The following GRIN2A variants were observed in gnomAD, a reference collection of about 807,000 sequenced individuals.
GRIN2A encodes glutamate receptor ionotropic, NMDA 2A.
A neutral mutation model predicts 113.4 loss-of-function variants in GRIN2A; 22 were observed. That is an observed-to-expected ratio of 0.19 (90% CI 0.14 to 0.28). The LOEUF is 0.28. GRIN2A is among the 10% of genes least tolerant of loss of function. GRIN2A has a pLI of 1.00. For synonymous variants in GRIN2A, 827 were observed against 738.4 expected, an observed-to-expected ratio of 1.12 and a Z score of -1.94; for missense variants, 1,502 against 1,887.0, an observed-to-expected ratio of 0.80 and a Z score of 3.78.
intron 4 of GRIN2A, among the ~76,000 whole-genome samples, chr16:9,864,551 A>G (rs1196962064): frequency 6.6e-6 from 1 of 152,228 alleles, no homozygotes; most frequent in African/African-American, 2.4e-5. Context: ...CGAGACTTCA[A>G]TGCATCAAAC....
At chr16:9,851,950 G>C (rs1486471716) in intron 4 of GRIN2A, among the ~76,000 whole-genome samples, 3 of 152,162 alleles carry the variant, frequency 2.0e-5, no homozygotes, top group Admixed American at 2.0e-4. Context: ...TAACTGAACT[G>C]TCACCTTACC....
At chr16:10,028,242 T>C (rs2046858467) in intron 2 of GRIN2A, among the ~76,000 whole-genome samples, 1 of 152,210 alleles carries the variant, frequency 6.6e-6, no homozygotes, top group Non-Finnish European at 1.5e-5. Flanking sequence ...GAGTGTTTTG[T>C]TAAATTCCCC....
At chr16:9,769,253 A>G (rs1901109054) in intron 11 of GRIN2A, 164 bp from the exon 12 acceptor site, 4 of 634,844 alleles carry the variant, frequency 6.3e-6, no homozygotes, top group African/African-American at 5.4e-5. Context: ...GAGTGAAGAT[A>G]ATAATGATTA....
intron 2 of GRIN2A, among the ~76,000 whole-genome samples, chr16:10,046,011 C>G (rs1046515153): frequency 5.3e-5 from 8 of 152,176 alleles, no homozygotes; most frequent in Non-Finnish European, 1.2e-4. Context: ...CCTGTGAACA[C>G]CAAAAATATC....
chr16:9,885,878 A>G lies in GRIN2A; in HGVS notation c.1122+5108T>C, dbSNP rs542273267. Among the ~76,000 whole-genome samples, 22 of 152,378 alleles carry G rather than the reference A, an allele frequency of 1.4e-4. No individual in the cohort carries two copies. The East Asian group carries it at 3.7e-3, about 25-fold the overall frequency. On this transcript the variant is annotated intron_variant, in intron 4 of 12. Transcript: ENST00000330684. ...ACTACAGGCAGTATTTGTGCATTCTAAGCTCAACTCAGCAGCAATTCCCAA... is the reference window on the plus strand; with the variant it reads ...ACTACAGGCAGTATTTGTGCATTCTGAGCTCAACTCAGCAGCAATTCCCAA...
At chr16:10,104,169 C>A (rs1230784140) in intron 2 of GRIN2A, among the ~76,000 whole-genome samples, 1 of 152,232 alleles carries the variant, frequency 6.6e-6, no homozygotes, top group African/African-American at 2.4e-5. Flanking sequence ...TTTCTCTTAA[C>A]ACAAACCAGT....
intron 4 of GRIN2A, among the ~76,000 whole-genome samples, chr16:9,882,155 G>A (rs939738745): frequency 6.6e-6 from 1 of 152,150 alleles, no homozygotes; most frequent in African/African-American, 2.4e-5. Context: ...TAGGCTAAAT[G>A]TGGTAGTAGT....
intron 2 of GRIN2A, among the ~76,000 whole-genome samples, chr16:9,980,167 G>A (rs1359917282): frequency 1.3e-5 from 2 of 151,846 alleles, no homozygotes; most frequent in African/African-American, 2.4e-5. Flanking sequence ...CAGCTACTTA[G>A]GAGGCTGAGG....
intron 5 of GRIN2A, 107 bp downstream of exon 5, chr16:9,849,649 A>C: frequency 1.1e-6 from 1 of 887,514 alleles, no homozygotes; most frequent in Middle Eastern, 2.2e-4. Flanking sequence ...AACGACGTGT[A>C]TTTTCTATGA....
At chr16:10,096,170 G>A (rs1216956320) in intron 2 of GRIN2A, among the ~76,000 whole-genome samples, 1 of 152,244 alleles carries the variant, frequency 6.6e-6, no homozygotes, top group African/African-American at 2.4e-5. Flanking sequence ...CCATGTTTTT[G>A]TTTCTATGTT....
chr16:9,946,740 G>A (rs754188965), intron 2 of GRIN2A, among the ~76,000 whole-genome samples: 3 of 152,188 alleles, frequency 2.0e-5, no homozygotes, highest in Non-Finnish European at 4.4e-5. Context: ...GGAAAAGACA[G>A]CTTCTTTTAC....
At chr16:9,901,903 A>G (rs933449344) in intron 3 of GRIN2A, among the ~76,000 whole-genome samples, 1 of 152,234 alleles carries the variant, frequency 6.6e-6, no homozygotes, top group African/African-American at 2.4e-5. Flanking sequence ...TATGTGAGTA[A>G]GAGCGATCAC....
At chr16:9,946,525 G>A (rs1188091738) in intron 2 of GRIN2A, among the ~76,000 whole-genome samples, 1 of 152,076 alleles carries the variant, frequency 6.6e-6, no homozygotes, top group Non-Finnish European at 1.5e-5. Context: ...GCCTCCCTGA[G>A]CCACCTGGTG....
chr16:10,110,300 T>C (rs1260724259), intron 2 of GRIN2A, among the ~76,000 whole-genome samples: 1 of 152,158 alleles, frequency 6.6e-6, no homozygotes, highest in Non-Finnish European at 1.5e-5. Flanking sequence ...GGGAACGTGG[T>C]AATGGATGAG....
At chr16:9,769,158 T>C in intron 11 of GRIN2A, 69 bp from the exon 12 acceptor site, 1 of 1,227,336 alleles carries the variant, frequency 8.1e-7, no homozygotes. Context: ...CGCTTCTGGG[T>C]TTGGAACAGA....
intron 2 of GRIN2A, among the ~76,000 whole-genome samples, chr16:10,107,614 T>A (rs2048524103): frequency 3.3e-5 from 5 of 152,308 alleles, no homozygotes; most frequent in African/African-American, 9.6e-5. Context: ...TGAAGAAAAC[T>A]GATATTCTGC....
intron 11 of GRIN2A, among the ~76,000 whole-genome samples, chr16:9,773,058 TTTC>T (rs764915879): frequency 2.2e-4 from 34 of 152,304 alleles, no homozygotes; most frequent in Non-Finnish European, 3.7e-4. Flanking sequence ...GTTCAAATAC[TTTC>T]TTATTTCATT....
At chr16:10,051,163 G>A (rs930227941) in intron 2 of GRIN2A, among the ~76,000 whole-genome samples, 1 of 152,152 alleles carries the variant, frequency 6.6e-6, no homozygotes, top group Non-Finnish European at 1.5e-5. Context: ...GAAACACTGT[G>A]TGCAACACTC....
rs1258974659 is a variant in GRIN2A, at chr16:9,764,552, C to T, written c.2992G>A (p.Val998Met). The T allele has an allele frequency of 1.2e-6, 2 of 1,613,962 alleles. No individual in the cohort carries two copies. The highest frequency in any genetic ancestry group is 1.6e-4 in the Middle Eastern group (1 of 6,062). The part of the protein sequence containing the change: ...LNESNPNTVE[V>M]AVSTESKANS... ...GCTTTGGATTCTGTGCTCACGGCCACCTCCACCGTGTTAGGGTTGGACTCA... is the reference window on the plus strand; with the variant it reads ...GCTTTGGATTCTGTGCTCACGGCCATCTCCACCGTGTTAGGGTTGGACTCA... Residue 998 changes from valine (V) to methionine (M), a missense_variant, in exon 13 of 13, where the codon GTG becomes ATG. By Grantham distance (21) the Val-to-Met change is conservative. Around this residue, in one of 7 missense-constraint regions of GRIN2A, gnomAD observed 832 missense variants for 789.7 expected, o/e 1.05. Transcript: ENST00000330684.
Sources: allele counts gnomAD v4.1 joint callset (sites outside exome capture counted in the v4.1 genomes callset), GRCh38; gene constraint gnomAD v4.1.1; regional missense constraint gnomAD v4.1.1; transcripts MANE v1.5; gene names NCBI Gene and HGNC (gene_info 2026-07-23, HGNC 2026-07-21).